RNF17: variants seen among roughly 807,000 people sequenced by gnomAD.
RNF17 encodes the protein spermatogenesis associated 23.
RNF17 carries 31 observed loss-of-function variants against 200.5 expected under a neutral mutation model. The observed-to-expected ratio is 0.15, with a 90% CI of 0.12 to 0.21. The LOEUF (loss-of-function observed/expected upper bound fraction) is 0.21. Ranked by LOEUF, RNF17 falls within the 10% of genes least tolerant of loss-of-function variation. The probability of loss-of-function intolerance (pLI) is 1.00; values close to 1 mark genes in which losing one functional copy is unlikely to be tolerated. For synonymous variants in RNF17, 606 were observed against 637.8 expected (o/e 0.95, Z 0.75); for missense variants, 1,628 against 1,905.1 (o/e 0.85, Z 2.71).
At chr13:24,800,929 C>A (rs1265903127) in intron 13 of RNF17, among the ~76,000 whole-genome samples, 1 of 152,076 alleles carries the variant, frequency 6.6e-6, no homozygotes, top group Non-Finnish European at 1.5e-5. Context: ...AAAATCTATT[C>A]TCCAGCAAGA....
chr13:24,807,857 T>TG (rs1167586289), intron 15 of RNF17, among the ~76,000 whole-genome samples: 1 of 151,486 alleles, frequency 6.6e-6, no homozygotes, highest in East Asian at 1.9e-4. Context: ...TTCAGCTTTC[T>TG]ACATATGGCT....
chr13:24,769,595 A>G (rs1223268082), intron 2 of RNF17, among the ~76,000 whole-genome samples: 1 of 152,242 alleles, frequency 6.6e-6, no homozygotes, highest in Non-Finnish European at 1.5e-5. Flanking sequence ...GGAATAAGAT[A>G]TACAGAGAAT....
rs760598130 is a variant in RNF17 at position 24,844,633 on chromosome 13, A to G, written c.2832-19A>G. 2 of 1,536,636 alleles carry G rather than the reference A, an allele frequency of 1.3e-6. No individual in the cohort carries two copies. The highest frequency in any genetic ancestry group is 1.8e-6 in the Non-Finnish European group (2 of 1,126,094). The stretch of plus-strand genomic sequence containing the variant: ...TATAAGAAAAGGTTTGGAAAGTTAA[A>G]TATTTTTTATCTCTATAGTTTAGAA... On this transcript the variant is annotated intron_variant, in intron 20 of 35. Transcript: ENST00000255324.
intron 2 of RNF17, among the ~76,000 whole-genome samples, chr13:24,769,683 G>GGTATCTAC (rs1334250782): frequency 2.6e-5 from 4 of 152,124 alleles, no homozygotes; most frequent in Non-Finnish European, 5.9e-5. Flanking sequence ...ATTTCAACAA[G>GGTATCTAC]GTATCTACTC....
At chr13:24,749,322 T>TTTTTTTTA in the RNF17 span, among the ~76,000 whole-genome samples, 1 of 147,064 alleles carries the variant, frequency 6.8e-6, no homozygotes. Context: ...TTTTTTTTTT[T>TTTTTTTTA]GAGACAGAGT....
At chr13:24,763,811 G>T (rs768721450), upstream of RNF17, among the ~76,000 whole-genome samples, 1 of 152,158 alleles carries the variant, frequency 6.6e-6, no homozygotes, top group African/African-American at 2.4e-5. Context: ...CTGGATGCCC[G>T]AAGCACACAG....
intron 12 of RNF17, among the ~76,000 whole-genome samples, chr13:24,800,115 C>A (rs2137719695): frequency 6.6e-6 from 1 of 152,188 alleles, no homozygotes; most frequent in Non-Finnish European, 1.5e-5. Flanking sequence ...TCATTATCTC[C>A]TTTAAGTTCA....
At chr13:24,847,876 A>G (rs942636176) in intron 22 of RNF17, among the ~76,000 whole-genome samples, 1 of 152,182 alleles carries the variant, frequency 6.6e-6, no homozygotes, top group African/African-American at 2.4e-5. Flanking sequence ...GTTAGTTTTC[A>G]CTTTGACATT....
chr13:24,825,682 G>A lies in RNF17; in HGVS notation c.2155G>A (p.Gly719Arg). 1.2e-6 allele frequency: 2 copies of A among 1,610,906 alleles called. No individual in the cohort carries two copies. Among genetic ancestry groups the A allele is most frequent in the Non-Finnish European group, 1.7e-6 (2 of 1,177,232 alleles). The change falls in exon 16 of 36, where the codon GGA becomes AGA. Residue 719 changes from glycine (G) to arginine (R), a missense_variant. By Grantham distance (125) the Gly-to-Arg change is moderately radical. Around this residue, in one of 5 missense-constraint regions of RNF17, gnomAD observed 289 missense variants for 384.9 expected, o/e 0.75. Transcript: ENST00000255324. ...CGAGGAATTCTATAAAAGTGAAGAT[G>A]GAGAAAATCTGGAAATCCTCTGTCC... ...TIEEFYKSED[G>R]ENLEILCPVQ... is the part of the protein sequence containing the mutation.
At chr13:24,762,719 C>T (rs1226192803), upstream of RNF17, among the ~76,000 whole-genome samples, 1 of 152,174 alleles carries the variant, frequency 6.6e-6, no homozygotes. Context: ...TATGGGCAGG[C>T]TTTATTCTTA....
chr13:24,885,064 C>G, the RNF17 span, among the ~76,000 whole-genome samples: 3 of 152,170 alleles, frequency 2.0e-5, no homozygotes, highest in Non-Finnish European at 2.9e-5. Flanking sequence ...TGAACAGAAG[C>G]TTTTAAGAAG....
intron 9 of RNF17, among the ~76,000 whole-genome samples, chr13:24,790,902 C>T (rs1883762785): frequency 6.6e-6 from 1 of 152,202 alleles, no homozygotes; most frequent in Non-Finnish European, 1.5e-5. Flanking sequence ...GCAGAGCCCT[C>T]ATTGCTTGAT....
intron 28 of RNF17, among the ~76,000 whole-genome samples, chr13:24,863,584 A>G (rs921565991): frequency 6.6e-6 from 1 of 152,158 alleles, no homozygotes; most frequent in Non-Finnish European, 1.5e-5. Flanking sequence ...GTATTTCTGT[A>G]TTAAAGGATG....
chr13:24,823,048 T>C (rs2137942368), intron 15 of RNF17, among the ~76,000 whole-genome samples: 1 of 152,312 alleles, frequency 6.6e-6, no homozygotes, highest in Non-Finnish European at 1.5e-5. Context: ...CCCATAGCTC[T>C]TGTTTGGGAT....
chr13:24,772,185 GT>G (rs1175996823), intron 2 of RNF17, among the ~76,000 whole-genome samples: 1 of 152,140 alleles, frequency 6.6e-6, no homozygotes, highest in African/African-American at 2.4e-5. Flanking sequence ...AGAGAGTTGG[GT>G]CTGTTTCAAG....
In RNF17 at chr13:24,833,959, G is replaced by T. The variant is rs567966182; in HGVS notation, c.2482+1981G>T. ...ATAAAGAACTTTTTGCATAAGAAGT[G>T]TAAAACCAAAGAACTAAAGTTAACA... On this transcript the variant is annotated intron_variant, in intron 18 of 35. Coordinates refer to ENST00000255324, the MANE Select transcript of RNF17 (RefSeq NM_031277.3). Among the ~76,000 whole-genome samples the T allele has an allele frequency of 8.7e-4, 133 of 152,316 alleles. 3 individuals carry two copies. The South Asian group carries it at 0.027, about 31-fold the overall frequency.
intron 22 of RNF17, among the ~76,000 whole-genome samples, chr13:24,847,908 T>C (rs761225590): frequency 3.5e-4 from 53 of 152,216 alleles, no homozygotes; most frequent in Non-Finnish European, 6.8e-4. Context: ...TCAGAATAAT[T>C]GAACAGAATT....
intron 22 of RNF17, among the ~76,000 whole-genome samples, chr13:24,848,119 T>C (rs1040732523): frequency 6.6e-6 from 1 of 152,186 alleles, no homozygotes; most frequent in Non-Finnish European, 1.5e-5. Flanking sequence ...CTTAAAGATA[T>C]AAATACTATT....
At chr13:24,841,907 A>C (rs1890678711) in intron 18 of RNF17, 134 bp from the exon 19 acceptor site, 2 of 565,802 alleles carry the variant, frequency 3.5e-6, no homozygotes, top group Non-Finnish European at 6.0e-6. Flanking sequence ...CAGAGGTTGC[A>C]GTGAGCTGAG....
Sources: allele counts gnomAD v4.1 joint callset (sites outside exome capture counted in the v4.1 genomes callset), GRCh38; gene constraint gnomAD v4.1.1; regional missense constraint gnomAD v4.1.1; transcripts MANE v1.5; gene names NCBI Gene and HGNC (gene_info 2026-07-23, HGNC 2026-07-21).